AKAP6: variants seen among roughly 807,000 people sequenced by gnomAD.
AKAP6 encodes the protein A-kinase anchor protein 6.
Under a neutral mutation model 188.5 loss-of-function variants are expected in AKAP6, and 58 were observed. That is an observed-to-expected ratio of 0.31 (90% CI 0.25 to 0.38). The LOEUF (loss-of-function observed/expected upper bound fraction) is 0.38, where lower values mean the gene tolerates loss of function less well. Among genes scored for constraint, AKAP6 ranks in the 10% least tolerant of loss-of-function variants. The pLI is 1.00. For synonymous variants in AKAP6, 989 were observed against 998.6 expected (o/e 0.99, Z 0.18); for missense variants, 2,710 against 2,740.0 (o/e 0.99, Z 0.24).
At chr14:32,750,445 A>C (rs1336700727) in intron 11 of AKAP6, among the ~76,000 whole-genome samples, 3 of 152,100 alleles carry the variant, frequency 2.0e-5, no homozygotes, top group Non-Finnish European at 4.4e-5. Context: ...ATTCAGGTCT[A>C]GCTTGGAGGC....
chr14:32,391,685 A>G (rs1888722613), intron 1 of AKAP6, among the ~76,000 whole-genome samples: 1 of 151,956 alleles, frequency 6.6e-6, no homozygotes, highest in African/African-American at 2.4e-5. Context: ...GGAACCTCTA[A>G]CCCCACTGCC....
chr14:32,627,879 C>T (rs1887091160), intron 7 of AKAP6, among the ~76,000 whole-genome samples: 1 of 151,880 alleles, frequency 6.6e-6, no homozygotes. Context: ...GGATTAAGGT[C>T]TTTAACAGGC....
intron 10 of AKAP6, chr14:32,733,183 C>T (rs564006131): frequency 3.8e-5 from 6 of 155,958 alleles, no homozygotes; most frequent in East Asian, 3.8e-4. Context: ...ATTCATTTCA[C>T]GCAATGATGG....
chr14:32,756,280 C>A (rs775351661), intron 11 of AKAP6, among the ~76,000 whole-genome samples: 1 of 152,106 alleles, frequency 6.6e-6, no homozygotes, highest in Non-Finnish European at 1.5e-5. Context: ...GAGCCTGAGT[C>A]TGTGGGGGCT....
chr14:32,682,583 G>T (rs1165200668), intron 8 of AKAP6, among the ~76,000 whole-genome samples: 4 of 152,184 alleles, frequency 2.6e-5, no homozygotes, highest in African/African-American at 7.2e-5. Flanking sequence ...GAGGAGGATT[G>T]AAGTTAGAGG....
Position 32,824,318 on chromosome 14 carries a change from C to T in AKAP6, c.6505C>T (p.Pro2169Ser). The stretch of plus-strand genomic sequence containing the variant: ...TGAGGGTGACTCTGATGGAGAGGAG[C>T]CTTGTTTCTCTAGTGCTCCTCCAAA... Reference protein sequence around the residue: ...CVEGDSDGEEPCFSSAPPNES... With the variant: ...CVEGDSDGEESCFSSAPPNES... The change falls in exon 13 of 14, where the codon CCT becomes TCT. Residue 2169 changes from proline (P) to serine (S), a missense_variant. Transcript: ENST00000280979. 6.2e-7 allele frequency: 1 copy of T among 1,613,764 alleles called. No homozygotes were observed. Among genetic ancestry groups the T allele is most frequent in the South Asian group, 1.1e-5 (1 of 91,076 alleles).
At chr14:32,481,005 A>G (rs1337694591) in intron 2 of AKAP6, among the ~76,000 whole-genome samples, 2 of 152,286 alleles carry the variant, frequency 1.3e-5, no homozygotes, top group Non-Finnish European at 1.5e-5. Flanking sequence ...TGTAGAGATA[A>G]CTCCTATTGA....
intron 2 of AKAP6, among the ~76,000 whole-genome samples, chr14:32,460,460 T>G (rs2138818069): frequency 6.6e-6 from 1 of 152,304 alleles, no homozygotes; most frequent in South Asian, 2.1e-4. Flanking sequence ...GGGGCGTTGC[T>G]TCACCCGGGA....
chr14:32,668,151 A>G (rs925013185), intron 7 of AKAP6, among the ~76,000 whole-genome samples: 1 of 152,140 alleles, frequency 6.6e-6, no homozygotes, highest in African/African-American at 2.4e-5. Flanking sequence ...ATGGAGTGAC[A>G]TCAAAAATTC....
chr14:32,656,213 A>G (rs554082818), intron 7 of AKAP6, among the ~76,000 whole-genome samples: 2 of 152,214 alleles, frequency 1.3e-5, no homozygotes, highest in Admixed American at 6.5e-5. Flanking sequence ...AAACATAAAC[A>G]TAAATCTTTC....
chr14:32,538,232 T>G (rs1882772059), intron 3 of AKAP6, among the ~76,000 whole-genome samples: 1 of 152,288 alleles, frequency 6.6e-6, no homozygotes, highest in South Asian at 2.1e-4. Context: ...CACAATGGAA[T>G]TGTAAAAAGC....
intron 7 of AKAP6, among the ~76,000 whole-genome samples, chr14:32,627,387 A>G (rs912780098): frequency 1.3e-5 from 2 of 152,052 alleles, no homozygotes; most frequent in Admixed American, 6.6e-5. Context: ...AATATATGGT[A>G]TTATTTTGTT....
intron 4 of AKAP6, among the ~76,000 whole-genome samples, chr14:32,554,307 C>T (rs1943931104): frequency 6.6e-6 from 1 of 152,136 alleles, no homozygotes; most frequent in African/African-American, 2.4e-5. Flanking sequence ...ATTTGCTGAC[C>T]CCTGCTCTTG....
intron 1 of AKAP6, among the ~76,000 whole-genome samples, chr14:32,346,603 G>A (rs997419132): frequency 3.7e-4 from 56 of 152,192 alleles, no homozygotes; most frequent in Admixed American, 8.5e-4. Flanking sequence ...CCGCCTCCCG[G>A]GTTCACGCCA....
intron 7 of AKAP6, among the ~76,000 whole-genome samples, chr14:32,649,314 C>T (rs1253686584): frequency 6.6e-6 from 1 of 152,148 alleles, no homozygotes; most frequent in Admixed American, 6.5e-5. Context: ...TGGAATAAAG[C>T]AGAAGAACCC....
chr14:32,674,788 A>G (rs1889358961), intron 7 of AKAP6, among the ~76,000 whole-genome samples: 1 of 152,160 alleles, frequency 6.6e-6, no homozygotes, highest in Non-Finnish European at 1.5e-5. Flanking sequence ...GGAAGGCGTT[A>G]CTACTTAGTT....
Position 32,824,279 on chromosome 14 carries a change from T to C in AKAP6, c.6466T>C (p.Phe2156Leu), listed in dbSNP as rs1338740403. 6.2e-7 allele frequency: 1 copy of C among 1,613,948 alleles called. No homozygotes were observed. Among genetic ancestry groups the C allele is most frequent in the East Asian group, 2.2e-5 (1 of 44,878 alleles). Residue 2156 changes from phenylalanine (F) to leucine (L), a missense_variant, in exon 13 of 14, where the codon TTT (phenylalanine) becomes CTT (leucine). Phe to Leu is a conservative substitution (Grantham distance 22). This residue lies in a region of AKAP6 where 2,473 missense variants were observed against 2,426.1 expected (regional missense o/e 1.02). Transcript: ENST00000280979. ...LDDKEDIECF[F>L]EACVEGDSDG... ...TGACAAGGAAGATATTGAATGCTTT[T>C]TTGAGGCCTGTGTTGAGGGTGACTC...
intron 12 of AKAP6, among the ~76,000 whole-genome samples, chr14:32,815,372 T>C (rs1261761507): frequency 6.6e-6 from 1 of 152,246 alleles, no homozygotes; most frequent in African/African-American, 2.4e-5. Flanking sequence ...TGATAGATAG[T>C]GAGCAGGATT....
chr14:32,397,248 G>T (rs917735996), intron 1 of AKAP6, among the ~76,000 whole-genome samples: 5 of 152,194 alleles, frequency 3.3e-5, no homozygotes, highest in African/African-American at 1.2e-4. Flanking sequence ...GCCAAGGGTG[G>T]TGGGCAAGGC....
Sources: gnomAD v4.1 joint callset for allele counts (sites outside exome capture counted in the v4.1 genomes callset) on GRCh38, gnomAD v4.1.1 for gene constraint, gnomAD v4.1.1 regional missense constraint, MANE v1.5 for transcripts, NCBI Gene and HGNC (gene_info 2026-07-23, HGNC 2026-07-21) for gene names.